DOK6: variants seen among roughly 807,000 people sequenced by gnomAD.
DOK6 encodes downstream of tyrosine kinase 6.
In DOK6, 22 loss-of-function variants were observed where a neutral mutation model predicts 44.0. That is an observed-to-expected ratio of 0.50 (90% CI 0.36 to 0.71). The LOEUF (loss-of-function observed/expected upper bound fraction) is 0.71, where lower values mean the gene tolerates loss of function less well. DOK6 is among the 30% of genes least tolerant of loss of function. DOK6 has a pLI of 0.00. For synonymous variants in DOK6, 166 were observed against 145.5 expected (o/e 1.14, Z -1.01); for missense variants, 340 against 416.4 (o/e 0.82, Z 1.60).
In DOK6 at chr18:69,809,661, A is replaced by G. The variant is rs146228729; in HGVS notation, c.857-31583A>G. ...GAATTTGGTAAAGTTGCAGGATACA[A>G]AATCAAAAGTCAGTAGTGTTTTTAT... On this transcript the variant is annotated intron_variant, in intron 7 of 7. Coordinates refer to ENST00000382713, the MANE Select transcript of DOK6 (RefSeq NM_152721.6). Among the ~76,000 whole-genome samples, 818 of 151,908 alleles carry G rather than the reference A, an allele frequency of 5.4e-3. 14 individuals carry two copies. The highest frequency in any genetic ancestry group is 0.019 in the African/African-American group (794 of 41,492).
chr18:69,413,724 A>G (rs911407251), intron 1 of DOK6, among the ~76,000 whole-genome samples: 8 of 152,026 alleles, frequency 5.3e-5, no homozygotes, highest in African/African-American at 1.9e-4. Flanking sequence ...ATCATGATCC[A>G]TAAAAGGAAA....
At chr18:69,537,122 C>T (rs1982146661) in intron 1 of DOK6, among the ~76,000 whole-genome samples, 1 of 151,984 alleles carries the variant, frequency 6.6e-6, no homozygotes, top group Admixed American at 6.6e-5. Context: ...AAGCGTGAGC[C>T]ACCTCATCCG....
chr18:69,505,399 T>C (rs1981154238), intron 1 of DOK6, among the ~76,000 whole-genome samples: 1 of 151,918 alleles, frequency 6.6e-6, no homozygotes, highest in African/African-American at 2.4e-5. Flanking sequence ...AAGTTTCTAA[T>C]GCTGTGGGAA....
chr18:69,412,913 A>C (rs1178214100), intron 1 of DOK6, among the ~76,000 whole-genome samples: 1 of 152,100 alleles, frequency 6.6e-6, no homozygotes, highest in African/African-American at 2.4e-5. Context: ...AAAAGAGGCA[A>C]TTCAGTGGAG....
intron 1 of DOK6, among the ~76,000 whole-genome samples, chr18:69,529,695 G>C (rs1171055091): frequency 6.6e-6 from 1 of 152,002 alleles, no homozygotes; most frequent in Admixed American, 6.6e-5. Flanking sequence ...TTCCTACTTA[G>C]CTTATTAAAA....
chr18:69,458,178 G>A (rs969970777), intron 1 of DOK6, among the ~76,000 whole-genome samples: 4 of 152,002 alleles, frequency 2.6e-5, no homozygotes, highest in African/African-American at 4.8e-5. Context: ...AAAACAAAAC[G>A]AAACAAAAAA....
At chr18:69,412,987 G>T (rs749867154) in intron 1 of DOK6, among the ~76,000 whole-genome samples, 74 of 152,090 alleles carry the variant, frequency 4.9e-4, no homozygotes, top group Non-Finnish European at 7.8e-4. Context: ...CACAGAAGTA[G>T]AAACAATGCA....
intron 4 of DOK6, among the ~76,000 whole-genome samples, chr18:69,689,818 C>T (rs1986226519): frequency 6.6e-6 from 1 of 151,984 alleles, no homozygotes; most frequent in South Asian, 2.1e-4. Flanking sequence ...TTAAAATTGG[C>T]TTACTTTTAA....
At chr18:69,476,013 A>AT (rs1444385274) in intron 1 of DOK6, among the ~76,000 whole-genome samples, 1 of 152,080 alleles carries the variant, frequency 6.6e-6, no homozygotes, top group Non-Finnish European at 1.5e-5. Flanking sequence ...GTACCCAACC[A>AT]TTTTTCAGTC....
intron 1 of DOK6, among the ~76,000 whole-genome samples, chr18:69,522,904 A>G (rs1017594251): frequency 6.6e-6 from 1 of 152,098 alleles, no homozygotes; most frequent in African/African-American, 2.4e-5. Flanking sequence ...TTACGAGGGT[A>G]GGTTCTAGAG....
intron 5 of DOK6, among the ~76,000 whole-genome samples, chr18:69,712,187 A>G (rs922303592): frequency 1.4e-5 from 2 of 142,222 alleles, no homozygotes; most frequent in East Asian, 2.2e-4. Context: ...AGGCTGAGGC[A>G]GGAGAATGGC....
chr18:69,555,925 T>G (rs1409179508), intron 1 of DOK6, among the ~76,000 whole-genome samples: 2 of 152,202 alleles, frequency 1.3e-5, no homozygotes, highest in Non-Finnish European at 2.9e-5. Context: ...TGTCGGTTTT[T>G]GTCAGCTCTG....
chr18:69,809,898 T>C (rs980667180), intron 7 of DOK6, among the ~76,000 whole-genome samples: 4 of 151,910 alleles, frequency 2.6e-5, no homozygotes, highest in African/African-American at 9.7e-5. Flanking sequence ...TATTAAAGTG[T>C]CAGTACCATT....
intron 1 of DOK6, among the ~76,000 whole-genome samples, chr18:69,526,247 G>A (rs994389171): frequency 6.6e-6 from 1 of 151,930 alleles, no homozygotes; most frequent in African/African-American, 2.4e-5. Context: ...TTCTCCTCAT[G>A]CTCCCCTAAC....
At chr18:69,633,280 C>G (rs1004448757) in intron 3 of DOK6, among the ~76,000 whole-genome samples, 1 of 152,084 alleles carries the variant, frequency 6.6e-6, no homozygotes, top group East Asian at 1.9e-4. Flanking sequence ...GTATTCACAC[C>G]GATTTTACAA....
chr18:69,540,509 C>T (rs1469242775), intron 1 of DOK6, among the ~76,000 whole-genome samples: 1 of 152,064 alleles, frequency 6.6e-6, no homozygotes, highest in Non-Finnish European at 1.5e-5. Context: ...ACCATTTGTC[C>T]ACAATCTTGG....
chr18:69,704,660 T>C (rs1459320257), intron 5 of DOK6, among the ~76,000 whole-genome samples: 2 of 151,974 alleles, frequency 1.3e-5, no homozygotes, highest in Admixed American at 6.6e-5. Context: ...TTTGTATTTT[T>C]ACTAGAGACG....
chr18:69,772,513 T>A (rs9960950), intron 7 of DOK6, among the ~76,000 whole-genome samples: 114,428 of 152,002 alleles, frequency 0.75, 43,892 homozygotes, highest in East Asian at 0.87. Flanking sequence ...AAACATAAAG[T>A]TAGACATATA....
chr18:69,659,820 T>G (rs1157731333), intron 3 of DOK6: 3 of 100,738 alleles, frequency 3.0e-5, no homozygotes, highest in East Asian at 2.4e-4. Flanking sequence ...GCTTTTTTTT[T>G]GTTATATATA....
Sources: allele counts gnomAD v4.1 joint callset (sites outside exome capture counted in the v4.1 genomes callset), GRCh38; gene constraint gnomAD v4.1.1; transcripts MANE v1.5; gene names NCBI Gene and HGNC (gene_info 2026-07-23, HGNC 2026-07-21).